The following REPS2 variants were observed in gnomAD, a reference collection of about 807,000 sequenced individuals.
The protein encoded by REPS2 is ralBP1-associated Eps domain-containing protein 2.
Under a neutral mutation model 53.6 loss-of-function variants are expected in REPS2, and 23 were observed. The ratio of observed to expected loss-of-function variants is 0.43; its 90% CI spans 0.31 to 0.61. REPS2 has a LOEUF of 0.61. Ranked by LOEUF, REPS2 falls within the 20% of genes least tolerant of loss-of-function variation. The pLI, the probability that REPS2 is intolerant of heterozygous loss-of-function variation, is 0.11. For missense variants in REPS2, 446 were observed against 534.9 expected (o/e 0.83, Z 1.64); for synonymous variants, 238 against 218.6 (o/e 1.09, Z -0.78).
chrX:17,077,291 T>C lies in REPS2; in HGVS notation c.1400T>C (p.Ile467Thr). The change falls in exon 13 of 18, where the codon ATA becomes ACA. Residue 467 changes from isoleucine to threonine, a missense_variant. Transcript: ENST00000357277. ...PRSRSYSSTSIEEAMKRGEDP... is the reference protein window; with the variant it reads ...PRSRSYSSTSTEEAMKRGEDP... ...TACAGATCTTACTCTAGCACCTCCA[T>C]AGAAGAGGCCATGAAAAGGGGCGAG... The C allele has an allele frequency of 2.5e-6, 3 of 1,204,806 alleles. No homozygotes were observed. The highest frequency in any genetic ancestry group is 3.4e-6 in the Non-Finnish European group (3 of 892,733).
intron 1 of REPS2, among the ~76,000 whole-genome samples, chrX:16,954,286 A>G (rs2060563184): frequency 8.9e-6 from 1 of 111,844 alleles, no homozygotes; most frequent in Admixed American, 9.5e-5. Flanking sequence ...AAAATGGAAC[A>G]TCTCAAATAA....
chrX:17,063,119 T>C (rs1233877808), intron 9 of REPS2, among the ~76,000 whole-genome samples: 3 of 111,909 alleles, frequency 2.7e-5, no homozygotes, highest in Non-Finnish European at 5.6e-5. Context: ...TAGGAAGCCT[T>C]AGCTATGGAT....
Position 17,069,968 on chromosome X carries a change from A to G in REPS2, c.1308A>G (p.Leu436=). The G allele has an allele frequency of 8.8e-7, 1 of 1,141,498 alleles. No homozygotes were observed. Among genetic ancestry groups the G allele is most frequent in the Non-Finnish European group, 1.2e-6 (1 of 855,248 alleles). The allele number at this position is 1,141,498 out of a possible 1,213,427, so 94.1% of individuals were successfully genotyped here. The change falls in exon 11 of 18, where the codon TTA becomes TTG. Residue 436 remains leucine (L), a synonymous_variant. Coordinates refer to ENST00000357277, the MANE Select transcript of REPS2 (RefSeq NM_004726.3). The part of the protein sequence containing the change: ...QALKSTINEA[L]PKDVSEDPAT... ...TGAAAAGTACTATCAATGAAGCCTT[A>G]CCAAAGGACGTGTCTGAGGATCCAG...
At chrX:17,050,195 T>TCTCTCTCTCTCTCTCTC (rs2061976269) in intron 6 of REPS2, among the ~76,000 whole-genome samples, 1 of 55,195 alleles carries the variant, frequency 1.8e-5, no homozygotes, top group African/African-American at 1.1e-4. Flanking sequence ...TCTTTCTTTC[T>TCTCTCTCTCTCTCTCTC]TTTTTTTTTT....
intron 17 of REPS2, among the ~76,000 whole-genome samples, chrX:17,143,301 G>T (rs985070727): frequency 3.4e-4 from 38 of 111,905 alleles, no homozygotes; most frequent in Non-Finnish European, 5.6e-5. Context: ...ATTTTAAAAA[G>T]TTATTTTTTA....
At chrX:16,950,469 G>C (rs1487216135) in intron 1 of REPS2, among the ~76,000 whole-genome samples, 1 of 112,428 alleles carries the variant, frequency 8.9e-6, no homozygotes, top group Non-Finnish European at 1.9e-5. Flanking sequence ...CTGCCAAACT[G>C]CTTTCCAAAG....
At chrX:17,037,779 T>G (rs2061784531) in intron 5 of REPS2, among the ~76,000 whole-genome samples, 2 of 112,454 alleles carry the variant, frequency 1.8e-5, no homozygotes, top group African/African-American at 6.5e-5. Flanking sequence ...GATAGTAGCT[T>G]ATTCCCCAGG....
rs149358895 is a variant in REPS2, at chrX:17,105,281, C to T, written c.1578+1502C>T. ...TTGATGAGATGAGGCTCCTGCTCCA[C>T]ACCAACAGCAAACCTGGACTTGGTC... On this transcript the variant is annotated intron_variant, in intron 14 of 17. Transcript: ENST00000357277. 1.2e-3 allele frequency among the ~76,000 whole-genome samples: 132 copies of T among 111,812 alleles called. 1 individual carries two copies. Among genetic ancestry groups the T allele is most frequent in the Middle Eastern group, 4.7e-3 (1 of 215 alleles).
intron 13 of REPS2, among the ~76,000 whole-genome samples, chrX:17,097,610 CA>C (rs1272776789): frequency 1.8e-5 from 2 of 111,785 alleles, no homozygotes; most frequent in Non-Finnish European, 3.8e-5. Context: ...AGAAAGCAAA[CA>C]TACAATACAG....
Position 17,054,790 on chromosome X carries a change from G to C in REPS2, c.972-18G>C. ...TGTAAGCCCCATGGTAGGTACTCAT[G>C]ACATTTGTTTCATTTAGGGAGCTTA... On this transcript the variant is annotated intron_variant, in intron 7 of 17. Coordinates refer to ENST00000357277, the MANE Select transcript of REPS2 (RefSeq NM_004726.3). The C allele has an allele frequency of 8.3e-7, 1 of 1,208,720 alleles. No homozygotes were observed. The highest frequency in any genetic ancestry group is 1.1e-6 in the Non-Finnish European group (1 of 893,798).
At chrX:17,056,604 A>G (rs2062074519) in intron 8 of REPS2, among the ~76,000 whole-genome samples, 1 of 110,635 alleles carries the variant, frequency 9.0e-6, no homozygotes, top group African/African-American at 3.3e-5. Flanking sequence ...CTGAGGCAGG[A>G]GAATGGCATG....
the REPS2 span, among the ~76,000 whole-genome samples, chrX:17,170,611 C>G: frequency 8.9e-6 from 1 of 112,556 alleles, no homozygotes; most frequent in Admixed American, 9.4e-5. Context: ...CCATGCACTA[C>G]TGAGATCCTA....
chrX:17,056,334 C>T (rs897502344), intron 8 of REPS2, among the ~76,000 whole-genome samples: 1 of 112,114 alleles, frequency 8.9e-6, no homozygotes, highest in African/African-American at 3.2e-5. Context: ...TTAGGCACAC[C>T]CGAGTGTCTC....
At chrX:17,135,505 G>A in intron 16 of REPS2, 99 bp downstream of exon 16, 3 of 952,585 alleles carry the variant, frequency 3.1e-6, no homozygotes, top group Non-Finnish European at 4.3e-6. Context: ...CCAACAGAAG[G>A]ATTTCATGGT....
At chrX:17,136,951 G>A (rs757169581) in intron 16 of REPS2, 21 of 112,597 alleles carry the variant, frequency 1.9e-4, no homozygotes, top group African/African-American at 6.1e-4. Flanking sequence ...GTTTATCCAA[G>A]TTGTAGCATA....
chrX:16,949,760 A>G (rs1251720837), intron 1 of REPS2, among the ~76,000 whole-genome samples: 3 of 110,875 alleles, frequency 2.7e-5, no homozygotes, highest in African/African-American at 9.8e-5. Context: ...TTTTAGGTTC[A>G]CAGCAAAATT....
chrX:17,040,233 G>A (rs2061813939), intron 5 of REPS2, among the ~76,000 whole-genome samples: 1 of 112,594 alleles, frequency 8.9e-6, no homozygotes, highest in African/African-American at 3.2e-5. Flanking sequence ...GAAAGAAGGA[G>A]TTTTTTAAAA....
chrX:16,979,919 T>C (rs767725051), intron 1 of REPS2, among the ~76,000 whole-genome samples: 4 of 111,191 alleles, frequency 3.6e-5, no homozygotes, highest in African/African-American at 9.8e-5. Flanking sequence ...TGACCAACCA[T>C]GGATATTTAG....
At chrX:17,048,415 C>T (rs2061936245) in intron 6 of REPS2, among the ~76,000 whole-genome samples, 1 of 112,382 alleles carries the variant, frequency 8.9e-6, no homozygotes, top group Non-Finnish European at 1.9e-5. Flanking sequence ...CACTTGCTAA[C>T]CTTACCCCGT....
Sources: allele counts gnomAD v4.1 joint callset (sites outside exome capture counted in the v4.1 genomes callset), GRCh38; gene constraint gnomAD v4.1.1; transcripts MANE v1.5; gene names NCBI Gene and HGNC (gene_info 2026-07-23, HGNC 2026-07-21).